The following MGAT4C variants were observed in gnomAD, a reference collection of about 807,000 sequenced individuals.
MGAT4C encodes MGAT4 family member C, also known as alpha-1,3-mannosyl-glycoprotein 4-beta-N-acetylglucosaminyltransferase C.
Under a neutral mutation model 40.1 loss-of-function variants are expected in MGAT4C, and 19 were observed. The ratio of observed to expected loss-of-function variants is 0.47; its 90% confidence interval spans 0.33 to 0.70. The LOEUF (loss-of-function observed/expected upper bound fraction) is 0.70. Among genes scored for constraint, MGAT4C ranks in the 30% least tolerant of loss-of-function variants. The pLI is 0.02. For missense variants in MGAT4C, 491 were observed against 563.2 expected, an observed-to-expected ratio of 0.87 and a Z score of 1.30; for synonymous variants, 181 against 187.1, an observed-to-expected ratio of 0.97 and a Z score of 0.27.
chr12:86,393,024 A>G (rs924341327), intron 3 of MGAT4C, among the ~76,000 whole-genome samples: 1 of 152,184 alleles, frequency 6.6e-6, no homozygotes, highest in Non-Finnish European at 1.5e-5. Flanking sequence ...CATACATACA[A>G]ACATGTAAAT....
intron 2 of MGAT4C, among the ~76,000 whole-genome samples, chr12:86,508,546 T>A (rs1455823784): frequency 6.6e-5 from 10 of 152,134 alleles, no homozygotes; most frequent in African/African-American, 2.4e-4. Flanking sequence ...TATAGCAGCA[T>A]GATTTATACT....
chr12:86,522,299 GT>G (rs1958808325), intron 2 of MGAT4C, among the ~76,000 whole-genome samples: 1 of 152,086 alleles, frequency 6.6e-6, no homozygotes, highest in Non-Finnish European at 1.5e-5. Flanking sequence ...TTTGTTGAGA[GT>G]TTTTAACATA....
At chr12:86,201,343 C>T (rs1028714916) in intron 1 of MGAT4C, among the ~76,000 whole-genome samples, 2 of 151,746 alleles carry the variant, frequency 1.3e-5, no homozygotes, top group Admixed American at 6.6e-5. Context: ...AGACTTCCTA[C>T]TCTGATCCAT....
intron 1 of MGAT4C, among the ~76,000 whole-genome samples, chr12:86,081,939 C>T (rs1411180891): frequency 1.3e-5 from 2 of 152,062 alleles, no homozygotes; most frequent in Non-Finnish European, 2.9e-5. Context: ...ATTATAAAGC[C>T]TCCATGTCAC....
chr12:86,222,704 T>G (rs543159270), intron 1 of MGAT4C, among the ~76,000 whole-genome samples: 1 of 152,318 alleles, frequency 6.6e-6, no homozygotes, highest in East Asian at 1.9e-4. Flanking sequence ...CTTTTTAACC[T>G]CCTAGTTGTT....
At chr12:86,413,199 C>T (rs1956639964) in intron 3 of MGAT4C, among the ~76,000 whole-genome samples, 1 of 151,892 alleles carries the variant, frequency 6.6e-6, no homozygotes, top group South Asian at 2.1e-4. Context: ...GAAAATGGAC[C>T]AGCTGTAGAC....
At chr12:86,295,426 T>A (rs1953640656) in intron 4 of MGAT4C, among the ~76,000 whole-genome samples, 1 of 152,140 alleles carries the variant, frequency 6.6e-6, no homozygotes, top group Non-Finnish European at 1.5e-5. Flanking sequence ...TCATTCCTCC[T>A]GGTGGGCTCG....
At chr12:86,195,822 A>G (rs138370935) in intron 1 of MGAT4C, among the ~76,000 whole-genome samples, 5 of 152,312 alleles carry the variant, frequency 3.3e-5, no homozygotes, top group African/African-American at 1.2e-4. Context: ...ACAATTATAT[A>G]TAGTAGAAAA....
intron 4 of MGAT4C, among the ~76,000 whole-genome samples, chr12:86,304,875 G>T (rs1041853474): frequency 2.0e-5 from 3 of 150,582 alleles, no homozygotes; most frequent in African/African-American, 7.5e-5. Flanking sequence ...ACCAGTAGCT[G>T]GGAAGAAGGA....
At chr12:86,692,209 A>G (rs1246136845) in intron 2 of MGAT4C, among the ~76,000 whole-genome samples, 4 of 152,212 alleles carry the variant, frequency 2.6e-5, no homozygotes, top group Admixed American at 2.0e-4. Context: ...GACATAAGCA[A>G]TACTTAAAGA....
rs542768810 is a variant in MGAT4C, at chr12:86,183,796, A to G, written c.-57+72443T>C. On this transcript the variant is annotated intron_variant, in intron 1 of 4. Coordinates refer to ENST00000611864, the MANE Select transcript of MGAT4C (RefSeq NM_001351288.2). ...AATCTCTCTCTCTCGTTCTTCTTAT[A>G]AAGCCCTAAATTCTATCAACTTAAG... Among the ~76,000 whole-genome samples, 3 of 152,310 alleles carry G rather than the reference A, an allele frequency of 2.0e-5. No individual in the cohort carries two copies. The South Asian group carries it at 6.2e-4, about 32-fold the overall frequency.
chr12:86,092,096 T>C (rs1872987707), intron 1 of MGAT4C, among the ~76,000 whole-genome samples: 1 of 152,146 alleles, frequency 6.6e-6, no homozygotes, highest in South Asian at 2.1e-4. Context: ...CAAAAATACC[T>C]ACAAAAATGT....
intron 2 of MGAT4C, among the ~76,000 whole-genome samples, chr12:86,695,868 A>G (rs1013436346): frequency 1.3e-5 from 2 of 152,102 alleles, no homozygotes; most frequent in African/African-American, 4.8e-5. Context: ...TTGATAGCAC[A>G]ACAGGGTGAC....
At chr12:86,169,886 A>G (rs1886624559) in intron 1 of MGAT4C, among the ~76,000 whole-genome samples, 1 of 152,216 alleles carries the variant, frequency 6.6e-6, no homozygotes, top group Non-Finnish European at 1.5e-5. Flanking sequence ...GTATATTAAA[A>G]AGGTGTTGCA....
intron 1 of MGAT4C, among the ~76,000 whole-genome samples, chr12:86,194,688 T>G (rs1391520698): frequency 1.3e-5 from 2 of 151,990 alleles, no homozygotes; most frequent in African/African-American, 4.8e-5. Flanking sequence ...GGTCTTGAAC[T>G]CCTGACCTCA....
rs1481846426 is a variant in MGAT4C, at chr12:86,766,322, C to G, written c.-261-39081G>C. Among the ~76,000 whole-genome samples, 6 of 152,166 alleles carry G rather than the reference C, an allele frequency of 3.9e-5. No individual in the cohort carries two copies. In the East Asian group the frequency reaches 1.2e-3, roughly 29 times the overall value. The stretch of plus-strand genomic sequence containing the variant: ...CAATTCAATAAGAAGAGCTAACTAT[C>G]CTAAATATATATGCACCCAATACAG... On this transcript the variant is annotated intron_variant, in intron 1 of 7. Coordinates refer to the MGAT4C transcript ENST00000548651.
At chr12:86,767,335 T>C (rs1353890421) in intron 1 of MGAT4C, among the ~76,000 whole-genome samples, 2 of 152,124 alleles carry the variant, frequency 1.3e-5, no homozygotes, top group Admixed American at 1.3e-4. Flanking sequence ...AATCTCTGAA[T>C]AGACCAAAAC....
intron 1 of MGAT4C, among the ~76,000 whole-genome samples, chr12:86,112,317 C>G (rs1187349281): frequency 2.6e-5 from 4 of 151,482 alleles, no homozygotes; most frequent in Non-Finnish European, 4.4e-5. Context: ...TACTTCCCCC[C>G]CACCCTTTTT....
rs1369164929 is a variant in MGAT4C, at chr12:86,034,711, T to G, written c.-7+14963A>C. Among the ~76,000 whole-genome samples the G allele has an allele frequency of 1.3e-5, 2 of 149,416 alleles. 1 individual carries two copies. The highest frequency in any genetic ancestry group is 3.0e-5 in the Non-Finnish European group (2 of 66,594). On this transcript the variant is annotated intron_variant, in intron 2 of 4. Coordinates refer to ENST00000611864, the MANE Select transcript of MGAT4C (RefSeq NM_001351288.2). ...TGTCATCTACATTAGATATTTCTCCTAATGCTATCCCTACCCTAGCCCCCG... is the reference window on the plus strand; with the variant it reads ...TGTCATCTACATTAGATATTTCTCCGAATGCTATCCCTACCCTAGCCCCCG...
Sources: allele counts gnomAD v4.1 joint callset (sites outside exome capture counted in the v4.1 genomes callset), GRCh38; gene constraint gnomAD v4.1.1; transcripts MANE v1.5; gene names NCBI Gene and HGNC (gene_info 2026-07-23, HGNC 2026-07-21).